Variants in SLC26A8 observed in about 807,000 individuals in gnomAD.
SLC26A8 encodes solute carrier family 26 member 8.
In SLC26A8, 70 loss-of-function variants were observed where a neutral mutation model predicts 105.0. The ratio of observed to expected loss-of-function variants is 0.67; its 90% CI spans 0.55 to 0.81. The LOEUF is 0.81. SLC26A8 is among the 40% of genes least tolerant of loss of function. The pLI is 0.00. For synonymous variants in SLC26A8, 415 were observed against 438.3 expected (o/e 0.95, Z 0.66); for missense variants, 998 against 1,181.8 (o/e 0.84, Z 2.28).
chr6:35,982,820 A>T (rs781594699), intron 7 of SLC26A8, among the ~76,000 whole-genome samples: 5 of 152,214 alleles, frequency 3.3e-5, no homozygotes, highest in Non-Finnish European at 7.3e-5. Context: ...CCTTAATAAT[A>T]TGGAGCAACA....
chr6:35,968,836 C>T (rs779346434), intron 11 of SLC26A8, 41 bp downstream of exon 11: 26 of 1,433,646 alleles, frequency 1.8e-5, no homozygotes, highest in Non-Finnish European at 2.4e-5. Context: ...ATCCAGAGCC[C>T]TGGTCGTTGT....
At chr6:35,975,562 G>GTTT (rs111959068) in intron 9 of SLC26A8, 74 bp from the exon 10 acceptor site, 430 of 609,402 alleles carry the variant, frequency 7.1e-4, no homozygotes, top group African/African-American at 5.5e-3. Flanking sequence ...AAGGCATATG[G>GTTT]TTTTTTTTTT....
At chr6:36,023,788 G>A (rs996342507) in intron 1 of SLC26A8, among the ~76,000 whole-genome samples, 1 of 152,044 alleles carries the variant, frequency 6.6e-6, no homozygotes, top group African/African-American at 2.4e-5. Flanking sequence ...TACTACCTAG[G>A]TTTTTATGGA....
intron 3 of SLC26A8, among the ~76,000 whole-genome samples, chr6:36,008,645 G>C (rs929249360): frequency 2.6e-5 from 4 of 152,052 alleles, no homozygotes; most frequent in African/African-American, 9.7e-5. Context: ...AAAATAACTA[G>C]TATCCAGAAT....
At position 36,012,335 on chromosome 6, in the gene SLC26A8, T is replaced by G; in HGVS notation, c.226A>C (p.Ile76Leu). The G allele has an allele frequency of 6.2e-7, 1 of 1,605,818 alleles. No individual in the cohort carries two copies. Among genetic ancestry groups the G allele is most frequent in the Non-Finnish European group, 8.5e-7 (1 of 1,177,276 alleles). Residue 76 changes from isoleucine (I) to leucine (L), a missense_variant, in exon 3 of 20, where the codon ATC (isoleucine) becomes CTC (leucine). Transcript: ENST00000490799. ...CACATCCATTCTAGGAAGGGAAAGA[T>G]TGTAAGCACGCATCGTAGGAACCTG... The part of the protein sequence containing the change: ...WHRFLRCVLT[I>L]FPFLEWMCMY...
intron 3 of SLC26A8, among the ~76,000 whole-genome samples, chr6:36,003,297 T>A (rs1290320890): frequency 6.6e-6 from 1 of 152,260 alleles, no homozygotes; most frequent in Non-Finnish European, 1.5e-5. Flanking sequence ...TTACATCATT[T>A]GTCATTAACA....
chr6:36,012,377 G>A lies in SLC26A8; in HGVS notation c.189-5C>T. 6.4e-7 allele frequency: 1 copy of A among 1,566,368 alleles called. No individual in the cohort carries two copies. Among genetic ancestry groups the A allele is most frequent in the Non-Finnish European group, 8.6e-7 (1 of 1,162,778 alleles). Reference sequence around the variant, plus strand: ...AGGAACCTGTGCCATGAGCAGCTGTGAGAGAGAGGAGCAGAGACTTGGTTA... The same window carrying A: ...AGGAACCTGTGCCATGAGCAGCTGTAAGAGAGAGGAGCAGAGACTTGGTTA... On this transcript the variant is annotated splice_polypyrimidine_tract_variant and splice_region_variant and intron_variant, in intron 2 of 19. Coordinates refer to ENST00000490799, the MANE Select transcript of SLC26A8 (RefSeq NM_052961.4).
At chr6:36,019,771 T>A in intron 1 of SLC26A8, 62 bp from the exon 2 acceptor site, 1 of 1,417,478 alleles carries the variant, frequency 7.1e-7, no homozygotes. Context: ...CCTCGGCATA[T>A]TTTTAAGGAA....
chr6:36,016,325 A>G (rs1332475484), intron 2 of SLC26A8, among the ~76,000 whole-genome samples: 1 of 152,078 alleles, frequency 6.6e-6, no homozygotes, highest in Non-Finnish European at 1.5e-5. Context: ...TGGACCCCCA[A>G]GGAGTCTGTA....
intron 2 of SLC26A8, among the ~76,000 whole-genome samples, chr6:36,015,783 C>T (rs142210751): frequency 1.2e-3 from 185 of 152,126 alleles, no homozygotes; most frequent in African/African-American, 3.7e-3. Flanking sequence ...AGGCAGAATG[C>T]GGACAAAGGA....
chr6:36,012,542 A>C (rs1189836117), intron 2 of SLC26A8, among the ~76,000 whole-genome samples, 170 bp from the exon 3 acceptor site: 1 of 152,180 alleles, frequency 6.6e-6, no homozygotes, highest in African/African-American at 2.4e-5. Flanking sequence ...TGTCCTGTGC[A>C]TTGCAGGATG....
Position 35,944,177 on chromosome 6 carries a change from TCCAGGTCTAGGTCCAGAC to T in SLC26A8, c.2618_2635del (p.Gly873_Leu878del). ...CTCCATTTCAGGCTCCAGCTCCCGA[TCCAGGTCTAGGTCCAGAC>T]CCAGCCCAGCCTCTTGTTCTGATTC... On this transcript the variant is annotated inframe_deletion, in exon 20 of 20. Transcript: ENST00000490799. The T allele has an allele frequency of 6.2e-7, 1 of 1,614,124 alleles. No homozygotes were observed. The highest frequency in any genetic ancestry group is 1.1e-5 in the South Asian group (1 of 91,082).
chr6:35,958,527 C>G (rs1023747730), intron 16 of SLC26A8, among the ~76,000 whole-genome samples: 15 of 148,552 alleles, frequency 1.0e-4, no homozygotes, highest in African/African-American at 3.5e-4. Flanking sequence ...TGGTGCTCAC[C>G]CCTGTAATCC....
At chr6:35,993,646 T>C (rs78554066) in intron 5 of SLC26A8, among the ~76,000 whole-genome samples, 8,822 of 152,194 alleles carry the variant, frequency 0.058, 369 homozygotes, top group Non-Finnish European at 0.088. Flanking sequence ...AGGAATTACC[T>C]TTGGGGAATG....
intron 7 of SLC26A8, among the ~76,000 whole-genome samples, chr6:35,982,883 C>T (rs1050654957): frequency 9.9e-5 from 15 of 152,162 alleles, no homozygotes; most frequent in South Asian, 2.1e-4. Context: ...TGCTTTTCCC[C>T]CCTTTCACTT....
intron 9 of SLC26A8, among the ~76,000 whole-genome samples, chr6:35,976,364 T>C (rs1445745946): frequency 6.6e-6 from 1 of 150,402 alleles, no homozygotes; most frequent in African/African-American, 2.5e-5. Flanking sequence ...GTGGAGGTTG[T>C]GGTGACCCAA....
intron 4 of SLC26A8, among the ~76,000 whole-genome samples, chr6:35,998,267 A>G (rs552328494): frequency 2.0e-5 from 3 of 152,272 alleles, no homozygotes; most frequent in African/African-American, 4.8e-5. Context: ...TTAGAAAAGA[A>G]AGCAATCACC....
chr6:35,948,553 C>T (rs748492504), intron 19 of SLC26A8, among the ~76,000 whole-genome samples: 1 of 152,184 alleles, frequency 6.6e-6, no homozygotes, highest in Non-Finnish European at 1.5e-5. Flanking sequence ...TGTGCCACTG[C>T]ACTCCAGACT....
chr6:35,979,278 C>T (rs1035609596), intron 8 of SLC26A8, among the ~76,000 whole-genome samples: 5 of 151,932 alleles, frequency 3.3e-5, no homozygotes, highest in African/African-American at 1.2e-4. Flanking sequence ...GAGATCGAGA[C>T]CATCCTGGCT....
Sources: gnomAD v4.1 joint callset for allele counts (sites outside exome capture counted in the v4.1 genomes callset) on GRCh38, gnomAD v4.1.1 for gene constraint, MANE v1.5 for transcripts, NCBI Gene and HGNC (gene_info 2026-07-23, HGNC 2026-07-21) for gene names.